Variants in INPP4B observed in about 807,000 individuals in gnomAD.
The protein encoded by INPP4B is inositol polyphosphate-4-phosphatase type II B.
In INPP4B, 55 loss-of-function variants were observed where a neutral mutation model predicts 122.5. The ratio of observed to expected loss-of-function variants is 0.45; its 90% CI spans 0.36 to 0.56. INPP4B has a LOEUF of 0.56. Ranked by LOEUF, INPP4B falls within the 20% of genes least tolerant of loss-of-function variation. The probability of loss-of-function intolerance (pLI) is 0.00; values close to 1 mark genes in which losing one functional copy is unlikely to be tolerated. For synonymous variants in INPP4B, 403 were observed against 388.7 expected (o/e 1.04, Z -0.43); for missense variants, 1,000 against 1,097.7 (o/e 0.91, Z 1.26).
At chr4:142,613,051 G>C (rs942394819) in intron 2 of INPP4B, among the ~76,000 whole-genome samples, 6 of 152,066 alleles carry the variant, frequency 3.9e-5, no homozygotes, top group Non-Finnish European at 7.3e-5. Context: ...CTGCTAATTA[G>C]AATGTGAATG....
chr4:142,130,110 A>T (rs963181117), intron 18 of INPP4B, among the ~76,000 whole-genome samples: 2 of 152,196 alleles, frequency 1.3e-5, no homozygotes, highest in Non-Finnish European at 1.5e-5. Context: ...TGGTGAGAAG[A>T]CTGTGTTCAC....
At chr4:142,236,191 C>T (rs1171812985) in intron 12 of INPP4B, among the ~76,000 whole-genome samples, 6 of 152,176 alleles carry the variant, frequency 3.9e-5, no homozygotes, top group East Asian at 1.9e-4. Context: ...CAGGATAAAA[C>T]GGTGATCATT....
chr4:142,679,751 C>A (rs1249986225), intron 2 of INPP4B, among the ~76,000 whole-genome samples: 1 of 151,704 alleles, frequency 6.6e-6, no homozygotes, highest in South Asian at 2.1e-4. Context: ...TATCGGATAA[C>A]TTTTCAGGCT....
intron 2 of INPP4B, among the ~76,000 whole-genome samples, chr4:142,630,256 G>C (rs1360679303): frequency 6.6e-6 from 1 of 152,046 alleles, no homozygotes; most frequent in Non-Finnish European, 1.5e-5. Flanking sequence ...TTCTTTCTAA[G>C]AATGTGGTTA....
chr4:142,508,495 G>T (rs1320765360), intron 2 of INPP4B, among the ~76,000 whole-genome samples: 1 of 152,062 alleles, frequency 6.6e-6, no homozygotes, highest in African/African-American at 2.4e-5. Context: ...GGCTGGTCTC[G>T]AACCCCTGAC....
chr4:142,363,386 G>C (rs1473329725), intron 7 of INPP4B, among the ~76,000 whole-genome samples: 1 of 151,174 alleles, frequency 6.6e-6, no homozygotes, highest in Non-Finnish European at 1.5e-5. Context: ...AAAGTATAAG[G>C]ATATATTATA....
At chr4:142,463,585 T>C (rs761567981) in intron 2 of INPP4B, among the ~76,000 whole-genome samples, 1 of 152,166 alleles carries the variant, frequency 6.6e-6, no homozygotes, top group African/African-American at 2.4e-5. Context: ...TTAGATGATA[T>C]GGTCTGGCTG....
intron 1 of INPP4B, among the ~76,000 whole-genome samples, chr4:142,809,400 A>C (rs908477828): frequency 2.0e-5 from 3 of 152,162 alleles, no homozygotes; most frequent in Non-Finnish European, 4.4e-5. Flanking sequence ...TCTTTGAAAA[A>C]ACAAAGGCCT....
chr4:142,228,625 A>G (rs1852683508), intron 12 of INPP4B, among the ~76,000 whole-genome samples: 1 of 151,804 alleles, frequency 6.6e-6, no homozygotes, highest in South Asian at 2.1e-4. Context: ...AATAACTAAC[A>G]TGTTTACTGT....
chr4:142,207,242 T>C (rs1842934814), intron 14 of INPP4B, among the ~76,000 whole-genome samples: 2 of 152,190 alleles, frequency 1.3e-5, no homozygotes, highest in South Asian at 2.1e-4. Flanking sequence ...AATGCTGCAA[T>C]GAATGTGGGA....
chr4:142,118,301 T>C (rs1794761263), intron 21 of INPP4B, among the ~76,000 whole-genome samples: 1 of 151,936 alleles, frequency 6.6e-6, no homozygotes, highest in Admixed American at 6.6e-5. Context: ...TACTTTAAAG[T>C]TCATATGGAA....
chr4:142,593,331 A>C (rs1433114180), intron 2 of INPP4B, among the ~76,000 whole-genome samples: 1 of 152,062 alleles, frequency 6.6e-6, no homozygotes, highest in African/African-American at 2.4e-5. Flanking sequence ...CCTCCCCTGC[A>C]AGTTTCCTCA....
chr4:142,797,749 G>A (rs1777460580), intron 1 of INPP4B, among the ~76,000 whole-genome samples: 1 of 151,748 alleles, frequency 6.6e-6, no homozygotes, highest in African/African-American at 2.4e-5. Flanking sequence ...TTAGAGTAAT[G>A]CATTAAGAAT....
At chr4:142,274,700 T>A (rs1305931382) in intron 9 of INPP4B, among the ~76,000 whole-genome samples, 1 of 151,828 alleles carries the variant, frequency 6.6e-6, no homozygotes, top group Non-Finnish European at 1.5e-5. Flanking sequence ...ACAGAAGTGA[T>A]CTTCATACTC....
chr4:142,429,064 T>G (rs989818793), intron 5 of INPP4B, 109 bp downstream of exon 5: 4 of 568,918 alleles, frequency 7.0e-6, no homozygotes, highest in Non-Finnish European at 1.3e-5. Context: ...TAGAACAATG[T>G]TCATAAAAAT....
intron 2 of INPP4B, among the ~76,000 whole-genome samples, chr4:142,493,364 C>T (rs1218733121): frequency 6.6e-6 from 1 of 152,078 alleles, no homozygotes; most frequent in Non-Finnish European, 1.5e-5. Context: ...TCCTCCAGAC[C>T]CCAGAATGGT....
At chr4:142,633,371 G>A (rs114591799) in intron 2 of INPP4B, among the ~76,000 whole-genome samples, 2,060 of 152,154 alleles carry the variant, frequency 0.014, 36 homozygotes, top group African/African-American at 0.039. Context: ...GAAGATAAAT[G>A]CAAGTAGAAG....
At chr4:142,084,333 A>C (rs565027541) in intron 24 of INPP4B, among the ~76,000 whole-genome samples, 1 of 152,074 alleles carries the variant, frequency 6.6e-6, no homozygotes, top group South Asian at 2.1e-4. Flanking sequence ...GTTGGCCAGG[A>C]TGGTCTCCAT....
intron 25 of INPP4B, among the ~76,000 whole-genome samples, chr4:142,059,101 G>T (rs1759252991): frequency 2.6e-5 from 4 of 152,102 alleles, no homozygotes; most frequent in Admixed American, 2.6e-4. Flanking sequence ...CTTTGTCAGA[G>T]AACATAACTT....
Sources: allele counts gnomAD v4.1 joint callset (sites outside exome capture counted in the v4.1 genomes callset), GRCh38; gene constraint gnomAD v4.1.1; transcripts MANE v1.5; gene names NCBI Gene and HGNC (gene_info 2026-07-23, HGNC 2026-07-21).